LRRC3B: variants seen among roughly 807,000 people sequenced by gnomAD.
LRRC3B encodes leucine rich repeat containing 3B, also known as leucine-rich repeat-containing protein 3B.
LRRC3B carries 2 observed loss-of-function variants against 12.8 expected under a neutral mutation model. The observed-to-expected ratio is 0.16, with a 90% CI of 0.06 to 0.49. LRRC3B has a LOEUF of 0.49. LRRC3B is among the 20% of genes least tolerant of loss of function. The pLI is 0.96. For synonymous variants in LRRC3B, 132 were observed against 122.0 expected (o/e 1.08, Z -0.54); for missense variants, 189 against 319.4 (o/e 0.59, Z 3.11).
intron 1 of LRRC3B, among the ~76,000 whole-genome samples, chr3:26,699,522 CA>C (rs1700401667): frequency 6.6e-6 from 1 of 152,040 alleles, no homozygotes; most frequent in South Asian, 2.1e-4. Flanking sequence ...TTTTTCCCAC[CA>C]ACCCAGTGAA....
intron 1 of LRRC3B, among the ~76,000 whole-genome samples, chr3:26,626,709 T>C (rs1698634387): frequency 6.6e-6 from 1 of 152,202 alleles, no homozygotes; most frequent in Non-Finnish European, 1.5e-5. Flanking sequence ...CTCTATATCA[T>C]ATATAATGAA....
At chr3:26,644,707 A>C (rs1699105370) in intron 1 of LRRC3B, among the ~76,000 whole-genome samples, 1 of 152,204 alleles carries the variant, frequency 6.6e-6, no homozygotes, top group African/African-American at 2.4e-5. Flanking sequence ...AAATTTGAAA[A>C]CCCACTGCTT....
intron 1 of LRRC3B, among the ~76,000 whole-genome samples, chr3:26,692,202 T>A (rs935268167): frequency 3.3e-5 from 5 of 152,198 alleles, no homozygotes; most frequent in Non-Finnish European, 7.3e-5. Flanking sequence ...ATAGAAGAAA[T>A]AAGTACTGCG....
At chr3:26,669,058 A>G (rs1242787377) in intron 1 of LRRC3B, among the ~76,000 whole-genome samples, 2 of 152,230 alleles carry the variant, frequency 1.3e-5, no homozygotes, top group Non-Finnish European at 2.9e-5. Context: ...GTAAACATGC[A>G]AAGATGCTAT....
chr3:26,637,749 G>A (rs1698934788), intron 1 of LRRC3B, among the ~76,000 whole-genome samples: 1 of 151,902 alleles, frequency 6.6e-6, no homozygotes, highest in Middle Eastern at 3.4e-3. Context: ...AAAGTACATA[G>A]GATTACCAAG....
chr3:26,623,206 G>C (rs980961361), exon 1 of LRRC3B: 5 of 152,524 alleles, frequency 3.3e-5, no homozygotes, highest in African/African-American at 1.2e-4. Context: ...CACGAGGATG[G>C]AGCAGCCACC....
At chr3:26,665,074 G>C (rs1363951237) in intron 1 of LRRC3B, among the ~76,000 whole-genome samples, 1 of 151,890 alleles carries the variant, frequency 6.6e-6, no homozygotes, top group Non-Finnish European at 1.5e-5. Context: ...TAAAGGTACG[G>C]TCAGGCTTTT....
intron 1 of LRRC3B, among the ~76,000 whole-genome samples, chr3:26,693,457 A>G (rs780629331): frequency 6.6e-6 from 1 of 152,170 alleles, no homozygotes; most frequent in Non-Finnish European, 1.5e-5. Context: ...AACAGTCCCA[A>G]TCTAGACTAA....
chr3:26,705,298 G>A (rs1700559023), intron 1 of LRRC3B, among the ~76,000 whole-genome samples: 1 of 151,962 alleles, frequency 6.6e-6, no homozygotes, highest in Non-Finnish European at 1.5e-5. Flanking sequence ...TCTGGATAAA[G>A]TAATTCTCCT....
chr3:26,686,940 T>C (rs539037747), intron 1 of LRRC3B, among the ~76,000 whole-genome samples: 5 of 152,332 alleles, frequency 3.3e-5, no homozygotes, highest in East Asian at 1.9e-4. Context: ...GGATGTGGGC[T>C]GTTTCTGGAA....
At chr3:26,710,601 C>T in exon 2 of LRRC3B, 1 of 763,976 alleles carries the variant, frequency 1.3e-6, no homozygotes, top group South Asian at 2.3e-5. Context: ...TTTTAACAAA[C>T]ACTACAACAT....
chr3:26,630,347 C>A (rs1205027633), intron 1 of LRRC3B, among the ~76,000 whole-genome samples: 1 of 152,156 alleles, frequency 6.6e-6, no homozygotes, highest in Non-Finnish European at 1.5e-5. Flanking sequence ...ACAAAGCCTG[C>A]GGGCCCTGGA....
chr3:26,654,265 C>T (rs974013884), intron 1 of LRRC3B, among the ~76,000 whole-genome samples: 1 of 152,144 alleles, frequency 6.6e-6, no homozygotes, highest in African/African-American at 2.4e-5. Context: ...CATAAGAAGC[C>T]GGCTGTCCAA....
At chr3:26,646,575 C>T (rs370420640) in intron 1 of LRRC3B, among the ~76,000 whole-genome samples, 2 of 129,378 alleles carry the variant, frequency 1.5e-5, no homozygotes, top group African/African-American at 5.7e-5. Context: ...TTCTTCAGCC[C>T]AGAGGCCACT....
intron 1 of LRRC3B, among the ~76,000 whole-genome samples, chr3:26,653,028 T>C (rs1196701261): frequency 1.3e-5 from 2 of 151,196 alleles, no homozygotes; most frequent in Non-Finnish European, 2.9e-5. Flanking sequence ...GGGATGGAGA[T>C]GACAGTGCCC....
intron 1 of LRRC3B, among the ~76,000 whole-genome samples, chr3:26,680,605 A>C (rs770133303): frequency 6.6e-6 from 1 of 152,206 alleles, no homozygotes; most frequent in Admixed American, 6.5e-5. Flanking sequence ...ACAGCGTGCA[A>C]TTCCTACTCT....
At chr3:26,683,100 T>C (rs1322734635) in intron 1 of LRRC3B, among the ~76,000 whole-genome samples, 1 of 152,138 alleles carries the variant, frequency 6.6e-6, no homozygotes, top group African/African-American at 2.4e-5. Context: ...TAGGGCACCA[T>C]TTGGGAATGG....
intron 1 of LRRC3B, among the ~76,000 whole-genome samples, chr3:26,640,789 A>G (rs1375782401): frequency 6.6e-6 from 1 of 152,126 alleles, no homozygotes; most frequent in Non-Finnish European, 1.5e-5. Flanking sequence ...CACAAGAGTC[A>G]TATCCATTGG....
chr3:26,666,146 G>A (rs1298983761), intron 1 of LRRC3B, among the ~76,000 whole-genome samples: 5 of 152,102 alleles, frequency 3.3e-5, no homozygotes, highest in Non-Finnish European at 7.4e-5. Context: ...CTTTGCAAGA[G>A]TACTGAGTAT....
Sources: gnomAD v4.1 joint callset for allele counts (sites outside exome capture counted in the v4.1 genomes callset) on GRCh38, gnomAD v4.1.1 for gene constraint, MANE v1.5 for transcripts, NCBI Gene and HGNC (gene_info 2026-07-23, HGNC 2026-07-21) for gene names.